Variants in SPTY2D1 observed in about 807,000 individuals in gnomAD.
SPTY2D1 encodes the protein protein SPT2 homolog.
A neutral mutation model predicts 64.0 loss-of-function variants in SPTY2D1; 21 were observed. The observed-to-expected ratio is 0.33, with a 90% CI of 0.23 to 0.47. The LOEUF (loss-of-function observed/expected upper bound fraction) is 0.47. Among genes scored for constraint, SPTY2D1 ranks in the 20% least tolerant of loss-of-function variants. The pLI is 1.00. For synonymous variants in SPTY2D1, 287 were observed against 286.8 expected (o/e 1.00, Z -0.01); for missense variants, 724 against 837.2 (o/e 0.86, Z 1.67).
At chr11:18,610,686 A>AAAAAAAAAAAAAAAAAAAACAAC (rs1554987436) in intron 5 of SPTY2D1, among the ~76,000 whole-genome samples, 1 of 147,188 alleles carries the variant, frequency 6.8e-6, no homozygotes, top group African/African-American at 2.5e-5. Context: ...AAAAAAAAAA[A>AAAAAAAAAAAAAAAAAAAACAAC]AACAACAATA....
At chr11:18,613,661 A>G (rs1854242328) in intron 3 of SPTY2D1, among the ~76,000 whole-genome samples, 1 of 152,208 alleles carries the variant, frequency 6.6e-6, no homozygotes, top group Non-Finnish European at 1.5e-5. Flanking sequence ...AAAACAAGTA[A>G]TTCAATCATT....
rs1243974709 is a variant in SPTY2D1 at position 18,606,832 on chromosome 11, G to A, written c.*3029C>T. ...TTTATTTCTTGGAGAAAATCTTGGG[G>A]ATTACATTAAAAATGAAAATTTGAG... On this transcript the variant is annotated 3_prime_UTR_variant, in exon 6 of 6. Transcript: ENST00000336349. 2.7e-6 allele frequency: 1 copy of A among 364,302 alleles called. No individual in the cohort carries two copies. The highest frequency in any genetic ancestry group is 5.1e-6 in the Non-Finnish European group (1 of 194,522). The allele number at this position is 364,302 out of a possible 1,614,324, so 22.6% of individuals were successfully genotyped here.
intron 5 of SPTY2D1, among the ~76,000 whole-genome samples, chr11:18,610,644 C>T (rs1049669255): frequency 4.4e-5 from 6 of 135,506 alleles, no homozygotes; most frequent in Non-Finnish European, 6.1e-5. Flanking sequence ...CCAGCCTTGG[C>T]GACAGAGCAA....
rs1247532476 is a variant in SPTY2D1 at position 18,634,199 on chromosome 11, G to T, written c.59C>A (p.Pro20Gln). Reference sequence around the variant, plus strand: ...ATTGATGCCCCAGCTGCTACTTACCGGCACATTGTTGACACCTTGTCCCTT... The same window carrying T: ...ATTGATGCCCCAGCTGCTACTTACCTGCACATTGTTGACACCTTGTCCCTT... ...ASKGQGVNNV[P>Q]KRYSLAVGPP... The change falls in exon 1 of 6, where the codon CCG becomes CAG. Residue 20 changes from proline (P) to glutamine (Q), a missense_variant and splice_region_variant. Transcript: ENST00000336349. The T allele has an allele frequency of 6.2e-7, 1 of 1,614,180 alleles. No homozygotes were observed. Among genetic ancestry groups the T allele is most frequent in the East Asian group, 2.2e-5 (1 of 44,878 alleles).
intron 5 of SPTY2D1, among the ~76,000 whole-genome samples, chr11:18,610,667 T>TAAA (rs58363516): frequency 1.7e-4 from 16 of 96,680 alleles, no homozygotes; most frequent in Admixed American, 9.4e-4. Flanking sequence ...CCCTGTCTCT[T>TAAA]AAAAAAAAAA....
At position 18,612,582 on chromosome 11, in the gene SPTY2D1, ATCCTTTAAAACCAGAGCAAGCAGG is replaced by A; in HGVS notation, c.1712-118_1712-95del. On this transcript the variant is annotated intron_variant, in intron 3 of 5. Coordinates refer to ENST00000336349, the MANE Select transcript of SPTY2D1 (RefSeq NM_194285.3). The surrounding 1 kb of genome is among the most constrained non-coding windows in gnomAD (Gnocchi z 4.6). ...AATTGTGAGTCATCATTAAGATGGTATCCTTTAAAACCAGAGCAAGCAGGCTGGCCCTTAGCGCAGAGCCATCAT... is the reference window on the plus strand; with the variant it reads ...AATTGTGAGTCATCATTAAGATGGTACTGGCCCTTAGCGCAGAGCCATCAT... 8.5e-7 allele frequency: 1 copy of A among 1,175,642 alleles called. No individual in the cohort carries two copies. Among genetic ancestry groups the A allele is most frequent in the Non-Finnish European group, 1.1e-6 (1 of 870,146 alleles). The allele number at this position is 1,175,642 out of a possible 1,614,324, so 72.8% of individuals were successfully genotyped here.
At position 18,614,567 on chromosome 11, in the gene SPTY2D1, G is replaced by C. The variant is rs761044595; in HGVS notation, c.1707C>G (p.Ala569=). ...TCGGGTGAGGGGAAATTTTACCTTG[G>C]GCAGCTCTGTAGCCAGATAGGGGAG... ...MKPPLSGYRA[A]QGPQRLPFPT... The change falls in exon 3 of 6, where the codon GCC becomes GCG. Residue 569 remains alanine (A), a synonymous_variant. Coordinates refer to ENST00000336349, the MANE Select transcript of SPTY2D1 (RefSeq NM_194285.3). 1.9e-6 allele frequency: 3 copies of C among 1,601,856 alleles called. No homozygotes were observed. In the South Asian group the frequency reaches 3.3e-5, roughly 18 times the overall value.
intron 1 of SPTY2D1, 31 bp downstream of exon 1, chr11:18,634,167 C>G (rs1854631888): frequency 6.2e-7 from 1 of 1,613,308 alleles, no homozygotes; most frequent in African/African-American, 1.3e-5. Context: ...AGACTAGGGT[C>G]CCCTACATTG....
rs1313478989 is a variant in SPTY2D1, at chr11:18,612,598, G to A, written c.1712-110C>T. On this transcript the variant is annotated intron_variant, in intron 3 of 5. Coordinates refer to ENST00000336349, the MANE Select transcript of SPTY2D1 (RefSeq NM_194285.3). The surrounding 1 kb of genome is among the most constrained non-coding windows in gnomAD (Gnocchi z 4.6). ...TAAGATGGTATCCTTTAAAACCAGA[G>A]CAAGCAGGCTGGCCCTTAGCGCAGA... 3.0e-6 allele frequency: 3 copies of A among 993,438 alleles called. No homozygotes were observed. Among genetic ancestry groups the A allele is most frequent in the East Asian group, 5.6e-5 (2 of 35,834 alleles). 61.5% of individuals were successfully genotyped at this position (993,438 alleles called of 1,614,324 possible).
intron 1 of SPTY2D1, among the ~76,000 whole-genome samples, chr11:18,623,621 C>T (rs1854451630): frequency 6.6e-6 from 1 of 152,102 alleles, no homozygotes; most frequent in South Asian, 2.1e-4. Context: ...CCAATCATGC[C>T]AATGAAGGCA....
At position 18,612,744 on chromosome 11, in the gene SPTY2D1, TA is replaced by T. The variant is rs1290510388; in HGVS notation, c.1712-257del. ...AGTAGTGCCAATATTTCTGAATTTA[TA>T]AGATCAGTAAAATTTCTTTCTTTCT... On this transcript the variant is annotated intron_variant, in intron 3 of 5. Coordinates refer to ENST00000336349, the MANE Select transcript of SPTY2D1 (RefSeq NM_194285.3). This position sits in a 1 kb window ranked among gnomAD's most constrained non-coding sequence, Gnocchi z 4.6. 1.3e-5 allele frequency among the ~76,000 whole-genome samples: 2 copies of T among 152,038 alleles called. No homozygotes were observed. The highest frequency in any genetic ancestry group is 2.9e-5 in the Non-Finnish European group (2 of 68,010).
chr11:18,606,754 A>T lies in SPTY2D1; in HGVS notation c.*3107T>A, dbSNP rs1474048165. On this transcript the variant is annotated 3_prime_UTR_variant, in exon 6 of 6. Transcript: ENST00000336349. ...CAAACATGTTTTGGTCTCCTGCTAT[A>T]TCTCAGAAATTTACCAATAGCTGCT... is the stretch of plus-strand genomic sequence containing the variant. 2.5e-6 allele frequency: 1 copy of T among 392,586 alleles called. No individual in the cohort carries two copies. Among genetic ancestry groups the T allele is most frequent in the Non-Finnish European group, 4.8e-6 (1 of 206,734 alleles). 24.3% of individuals were successfully genotyped at this position (392,586 alleles called of 1,614,324 possible).
At chr11:18,629,226 T>G (rs978774065) in intron 1 of SPTY2D1, among the ~76,000 whole-genome samples, 3 of 152,162 alleles carry the variant, frequency 2.0e-5, no homozygotes, top group African/African-American at 7.2e-5. Flanking sequence ...GATGGCCCGG[T>G]GTGGTGGCTC....
Position 18,607,138 on chromosome 11 carries a change from C to T in SPTY2D1, c.*2723G>A. The T allele has an allele frequency of 5.7e-6, 1 of 174,808 alleles. No individual in the cohort carries two copies. 10.8% of individuals were successfully genotyped at this position (174,808 alleles called of 1,614,324 possible). A position where few individuals can be genotyped will look rare whatever the true frequency, so the allele number is the denominator to read the frequency against. ...TCGGCCTCCCAAAGTGCTGGGATTA[C>T]AGGCTTGAGCCACCATGCCCGGCCA... On this transcript the variant is annotated 3_prime_UTR_variant, in exon 6 of 6. Transcript: ENST00000336349.
Position 18,615,059 on chromosome 11 carries a change from G to C in SPTY2D1, c.1215C>G (p.Ser405Arg), listed in dbSNP as rs1204652575. The change falls in exon 3 of 6, where the codon AGC becomes AGG. Residue 405 changes from serine (S) to arginine (R), a missense_variant. Physicochemically the swap from Ser to Arg is moderately radical, Grantham distance 110. Around this residue, in one of 3 missense-constraint regions of SPTY2D1, gnomAD observed 426 missense variants for 431.8 expected, o/e 0.99. Transcript: ENST00000336349. ...PVPRRQNGSS[S>R]SGPERSISGS... ...CACTGATTGATCGCTCAGGTCCTGAGCTGGAGCTGCCATTCTGGCGCCTAG... is the reference window on the plus strand; with the variant it reads ...CACTGATTGATCGCTCAGGTCCTGACCTGGAGCTGCCATTCTGGCGCCTAG... The C allele has an allele frequency of 6.2e-7, 1 of 1,614,146 alleles. No homozygotes were observed. The highest frequency in any genetic ancestry group is 2.2e-5 in the East Asian group (1 of 44,882).
intron 1 of SPTY2D1, among the ~76,000 whole-genome samples, chr11:18,630,829 T>G (rs1254588193): frequency 6.6e-6 from 1 of 152,178 alleles, no homozygotes; most frequent in Non-Finnish European, 1.5e-5. Context: ...ATTTTATTTT[T>G]CTTTTCATTT....
Position 18,616,918 on chromosome 11 carries a change from T to G in SPTY2D1, c.132A>C (p.Val44=). Residue 44 remains valine (V), a synonymous_variant, in exon 2 of 6, where the codon GTA becomes GTC. Transcript: ENST00000336349. ...CTTCTTTCCTTTTAAGAAAAGCTTG[T>G]ACAGCTGCTGATTGGACACCTTTAA... ...PKVKGVQSAA[V]QAFLKRKEEE... is the part of the protein sequence containing the mutation. 6.2e-7 allele frequency: 1 copy of G among 1,614,210 alleles called. No homozygotes were observed. Among genetic ancestry groups the G allele is most frequent in the Non-Finnish European group, 8.5e-7 (1 of 1,180,040 alleles).
At position 18,614,987 on chromosome 11, in the gene SPTY2D1, G is replaced by C. The variant is rs753025882; in HGVS notation, c.1287C>G (p.Val429=). The C allele has an allele frequency of 1.7e-5, 28 of 1,614,048 alleles. No individual in the cohort carries two copies. The Admixed American group carries it at 4.3e-4, about 25-fold the overall frequency. The stretch of plus-strand genomic sequence containing the variant: ...GTTGTCCAGGGCCACATGTACCACT[G>C]ACTGTCCGCCTAGAGGGATTTGAGT... ...TNDSNPSRRT[V]SGTCGPGQPA... Residue 429 remains valine (V), a synonymous_variant, in exon 3 of 6, where the codon GTC becomes GTG. Coordinates refer to ENST00000336349, the MANE Select transcript of SPTY2D1 (RefSeq NM_194285.3).
intron 5 of SPTY2D1, 154 bp from the exon 6 acceptor site, chr11:18,610,108 T>C (rs1854175534): frequency 5.5e-6 from 3 of 546,574 alleles, no homozygotes; most frequent in East Asian, 6.1e-5. Context: ...CTAGCAGGGA[T>C]ATTTTTTTAC....
Sources: gnomAD v4.1 joint callset for allele counts (sites outside exome capture counted in the v4.1 genomes callset) on GRCh38, gnomAD v4.1.1 for gene constraint, gnomAD v4.1.1 regional missense constraint, Gnocchi (gnomAD v3.1) non-coding constraint, MANE v1.5 for transcripts, NCBI Gene and HGNC (gene_info 2026-07-23, HGNC 2026-07-21) for gene names.